KREMEN1: variants seen among roughly 807,000 people sequenced by gnomAD.
The protein encoded by KREMEN1 is kringle containing transmembrane protein 1.
KREMEN1 carries 30 observed loss-of-function variants against 46.5 expected under a neutral mutation model. The ratio of observed to expected loss-of-function variants is 0.65; its 90% confidence interval spans 0.48 to 0.88. The LOEUF is 0.88. KREMEN1 is among the 40% of genes least tolerant of loss of function. The probability of loss-of-function intolerance (pLI) is 0.00; values close to 1 mark genes in which losing one functional copy is unlikely to be tolerated. For missense variants in KREMEN1, 533 were observed against 596.9 expected, an observed-to-expected ratio of 0.89 and a Z score of 1.11; for synonymous variants, 214 against 230.6, an observed-to-expected ratio of 0.93 and a Z score of 0.65.
At chr22:29,110,642 CTTAT>C (rs2038133402) in intron 3 of KREMEN1, among the ~76,000 whole-genome samples, 1 of 152,140 alleles carries the variant, frequency 6.6e-6, no homozygotes, top group Non-Finnish European at 1.5e-5. Context: ...GCTGTGCTTA[CTTAT>C]TTATTTGGGG....
chr22:29,120,663 C>G (rs1045922168), intron 3 of KREMEN1, among the ~76,000 whole-genome samples: 3 of 38,792 alleles, frequency 7.7e-5, no homozygotes, highest in Non-Finnish European at 1.4e-4. Context: ...TGAAATGGTG[C>G]GGCTGCAAGC....
intron 3 of KREMEN1, among the ~76,000 whole-genome samples, chr22:29,117,171 G>A (rs185190447): frequency 7.2e-4 from 109 of 152,128 alleles, no homozygotes; most frequent in Non-Finnish European, 1.2e-3. Context: ...GTGTACATGC[G>A]CACATACACA....
rs73397005 is a variant in KREMEN1, at chr22:29,145,806, C to T, written c.*3694C>T. 0.015 allele frequency: 14,613 copies of T among 985,474 alleles called. 1,685 individuals carry two copies. In the African/African-American group the frequency reaches 0.24, roughly 16 times the overall value. 61.0% of individuals were successfully genotyped at this position (985,474 alleles called of 1,614,324 possible). A position where few individuals can be genotyped will look rare whatever the true frequency, so the allele number is the denominator to read the frequency against. On this transcript the variant is annotated 3_prime_UTR_variant, in exon 9 of 9. Coordinates refer to ENST00000400335, the MANE Select transcript of KREMEN1 (RefSeq NM_001039570.3). ...AAGAGTGGGCTCTGGCTCAAGACTC[C>T]AATCGGCCAGAAGCCCACAGAGATC...
chr22:29,125,408 T>C lies in KREMEN1; in HGVS notation c.623T>C (p.Leu208Pro). 1 of 1,614,182 alleles carries C rather than the reference T, an allele frequency of 6.2e-7. No homozygotes were observed. Among genetic ancestry groups the C allele is most frequent in the Non-Finnish European group, 8.5e-7 (1 of 1,180,020 alleles). Residue 208 changes from leucine to proline, a missense_variant, in exon 5 of 9, where the codon CTC (leucine) becomes CCC (proline). Transcript: ENST00000400335. ...TGTGGTGGCGATGGCAGGATCATCC[T>C]CTTTGATAGTGAGTATGCCCTGTGC... is the stretch of plus-strand genomic sequence containing the variant. ...QPCGGDGRII[L>P]FDTLVGACGG...
At chr22:29,083,552 T>C (rs1198350432) in intron 1 of KREMEN1, among the ~76,000 whole-genome samples, 1 of 151,988 alleles carries the variant, frequency 6.6e-6, no homozygotes, top group Non-Finnish European at 1.5e-5. Flanking sequence ...AATTCAGGGG[T>C]CCGGCACAGT....
At chr22:29,133,633 G>T (rs982877308) in intron 5 of KREMEN1, among the ~76,000 whole-genome samples, 1 of 150,504 alleles carries the variant, frequency 6.6e-6, no homozygotes, top group African/African-American at 2.4e-5. Flanking sequence ...ATGTGTCTAG[G>T]TGTGTCTTCT....
intron 9 of KREMEN1, among the ~76,000 whole-genome samples, chr22:29,166,792 A>C (rs1211946455): frequency 6.6e-6 from 1 of 151,986 alleles, no homozygotes; most frequent in African/African-American, 2.4e-5. Flanking sequence ...AATTAGCCTA[A>C]TGTGGTGGCA....
At chr22:29,131,003 T>C (rs1185097176) in intron 5 of KREMEN1, among the ~76,000 whole-genome samples, 2 of 152,242 alleles carry the variant, frequency 1.3e-5, no homozygotes, top group Non-Finnish European at 2.9e-5. Flanking sequence ...AAGTTTTAGG[T>C]TTAAGGTCTG....
intron 2 of KREMEN1, among the ~76,000 whole-genome samples, chr22:29,098,285 TAACCA>T (rs916923858): frequency 2.0e-5 from 3 of 152,250 alleles, no homozygotes; most frequent in Non-Finnish European, 4.4e-5. Flanking sequence ...ACAATTTATT[TAACCA>T]AACCTTTATT....
chr22:29,104,686 C>A (rs899403372), intron 3 of KREMEN1, among the ~76,000 whole-genome samples: 7 of 152,158 alleles, frequency 4.6e-5, no homozygotes, highest in African/African-American at 1.7e-4. Flanking sequence ...GTGGGCGGAT[C>A]ACCTGAGGTC....
At chr22:29,123,792 A>G (rs2038396585) in intron 4 of KREMEN1, among the ~76,000 whole-genome samples, 1 of 152,256 alleles carries the variant, frequency 6.6e-6, no homozygotes, top group Non-Finnish European at 1.5e-5. Context: ...TCTATCTGAA[A>G]AACAAAAGAA....
intron 2 of KREMEN1, among the ~76,000 whole-genome samples, chr22:29,096,562 T>A (rs2145767154): frequency 6.6e-6 from 1 of 152,254 alleles, no homozygotes; most frequent in South Asian, 2.1e-4. Flanking sequence ...TCTCGTTTGA[T>A]TTGATGGAAT....
intron 3 of KREMEN1, among the ~76,000 whole-genome samples, chr22:29,104,314 AC>A (rs2038018198): frequency 6.6e-6 from 1 of 151,666 alleles, no homozygotes; most frequent in Non-Finnish European, 1.5e-5. Flanking sequence ...ATGCCATCAC[AC>A]CTGGATGATT....
At chr22:29,077,244 A>G (rs758220351) in intron 1 of KREMEN1, among the ~76,000 whole-genome samples, 1 of 152,270 alleles carries the variant, frequency 6.6e-6, no homozygotes, top group East Asian at 1.9e-4. Context: ...CTGTGTTGCA[A>G]TTATTCAACT....
chr22:29,082,509 A>C (rs1358835347), intron 1 of KREMEN1, among the ~76,000 whole-genome samples: 2 of 152,232 alleles, frequency 1.3e-5, no homozygotes, highest in African/African-American at 4.8e-5. Flanking sequence ...CCTAGGAGGA[A>C]TACATTGGTG....
At chr22:29,167,062 G>T (rs1005032658) in exon 10 of KREMEN1, 1 of 1,551,660 alleles carries the variant, frequency 6.4e-7, no homozygotes, top group East Asian at 2.4e-5. Context: ...GGACTCGGAA[G>T]TGACATCACT....
intron 6 of KREMEN1, 109 bp from the exon 7 acceptor site, chr22:29,138,515 C>A: frequency 8.6e-7 from 1 of 1,159,092 alleles, no homozygotes; most frequent in Non-Finnish European, 1.3e-6. Flanking sequence ...GAATTGCACC[C>A]AGAATTGAAT....
chr22:29,127,652 C>CA (rs913812333), intron 5 of KREMEN1, among the ~76,000 whole-genome samples: 84 of 140,240 alleles, frequency 6.0e-4, no homozygotes, highest in African/African-American at 1.0e-3. Context: ...GACTCCATCT[C>CA]AAAAAAAAAA....
At chr22:29,120,669 C>T (rs2038341987) in intron 3 of KREMEN1, among the ~76,000 whole-genome samples, 1 of 42,016 alleles carries the variant, frequency 2.4e-5, no homozygotes, top group Non-Finnish European at 4.4e-5. Flanking sequence ...GGTGCGGCTG[C>T]AAGCCAAGGC....
Sources: gnomAD v4.1 joint callset for allele counts (sites outside exome capture counted in the v4.1 genomes callset) on GRCh38, gnomAD v4.1.1 for gene constraint, MANE v1.5 for transcripts, NCBI Gene and HGNC (gene_info 2026-07-23, HGNC 2026-07-21) for gene names.